SNTG1: variants seen among roughly 807,000 people sequenced by gnomAD.
SNTG1 encodes gamma-1-syntrophin.
In SNTG1, 39 loss-of-function variants were observed where a neutral mutation model predicts 74.7. The observed-to-expected ratio is 0.52, with a 90% CI of 0.40 to 0.68. SNTG1 has a LOEUF of 0.68. Among genes scored for constraint, SNTG1 ranks in the 30% least tolerant of loss-of-function variants. SNTG1 has a pLI of 0.00. For synonymous variants in SNTG1, 254 were observed against 217.1 expected, an observed-to-expected ratio of 1.17 and a Z score of -1.49; for missense variants, 685 against 609.5, an observed-to-expected ratio of 1.12 and a Z score of -1.30.
rs760982098 is a variant in SNTG1, at chr8:50,536,797, A to G, written c.669A>G (p.Thr223=). The part of the protein sequence containing the change: ...HSRFSQYVPG[T]DLSRQNAFQV... ...GCTTCTCTCAGTATGTGCCCGGCACAGATTTGAGTCGGTGAGTCCGTGTTT... is the reference window on the plus strand; with the variant it reads ...GCTTCTCTCAGTATGTGCCCGGCACGGATTTGAGTCGGTGAGTCCGTGTTT... The change falls in exon 11 of 19, where the codon ACA becomes ACG. Residue 223 remains threonine (T), a synonymous_variant. Coordinates refer to ENST00000642720, the MANE Select transcript of SNTG1 (RefSeq NM_018967.5). 6.2e-7 allele frequency: 1 copy of G among 1,613,948 alleles called. No homozygotes were observed. The highest frequency in any genetic ancestry group is 8.5e-7 in the Non-Finnish European group (1 of 1,179,818).
chr8:50,462,680 G>A (rs1292233915), intron 8 of SNTG1, among the ~76,000 whole-genome samples: 1 of 151,258 alleles, frequency 6.6e-6, no homozygotes, highest in Non-Finnish European at 1.5e-5. Flanking sequence ...TCTTCACCAG[G>A]AAGAGTTTCC....
At chr8:50,233,859 A>G (rs946560776) in intron 2 of SNTG1, among the ~76,000 whole-genome samples, 3 of 151,910 alleles carry the variant, frequency 2.0e-5, no homozygotes, top group Admixed American at 6.6e-5. Context: ...AATGTCCTAC[A>G]ATGTTAGGAG....
chr8:50,240,173 C>T (rs1191951251), intron 2 of SNTG1, among the ~76,000 whole-genome samples: 2 of 152,122 alleles, frequency 1.3e-5, no homozygotes, highest in Non-Finnish European at 2.9e-5. Context: ...CTAGATATTT[C>T]CATTTGAAGA....
At chr8:50,752,806 A>T (rs2095571008) in intron 18 of SNTG1, among the ~76,000 whole-genome samples, 2 of 151,982 alleles carry the variant, frequency 1.3e-5, no homozygotes, top group Admixed American at 1.3e-4. Context: ...GTATCCTGTA[A>T]CACTGCTCTA....
chr8:50,717,828 T>C (rs2095478517), intron 17 of SNTG1, among the ~76,000 whole-genome samples: 1 of 152,204 alleles, frequency 6.6e-6, no homozygotes, highest in East Asian at 1.9e-4. Flanking sequence ...GATGAACATT[T>C]CTGCCCCTCA....
chr8:49,957,071 G>A (rs1401458672), intron 1 of SNTG1, among the ~76,000 whole-genome samples: 1 of 152,146 alleles, frequency 6.6e-6, no homozygotes, highest in Non-Finnish European at 1.5e-5. Context: ...AGTTAATTCA[G>A]TCTTTTAAGA....
intron 1 of SNTG1, among the ~76,000 whole-genome samples, chr8:50,099,334 G>A (rs1460608536): frequency 6.6e-6 from 1 of 152,036 alleles, no homozygotes. Context: ...GCCACACATG[G>A]ATACACAAAC....
At chr8:50,225,967 A>G (rs937198573) in intron 2 of SNTG1, among the ~76,000 whole-genome samples, 2 of 152,210 alleles carry the variant, frequency 1.3e-5, no homozygotes, top group Admixed American at 6.5e-5. Flanking sequence ...ATTGTTAATT[A>G]TGTACACATA....
In SNTG1 at chr8:50,587,655, T is replaced by C. The variant is rs767414433; in HGVS notation, c.811-3224T>C. ...GACTGGCTAACATGGCGAAACCCTG[T>C]CTCTACTAAAAATACAAAAATTAGC... On this transcript the variant is annotated intron_variant, in intron 12 of 18. Transcript: ENST00000642720. Among the ~76,000 whole-genome samples the C allele has an allele frequency of 1.8e-3, 277 of 151,572 alleles. 3 individuals are homozygous for C. The highest frequency in any genetic ancestry group is 3.4e-3 in the Middle Eastern group (1 of 290).
rs151278402 is a variant in SNTG1 at position 50,700,521 on chromosome 8, C to T, written c.1039-4079C>T. Among the ~76,000 whole-genome samples the T allele has an allele frequency of 5.3e-5, 8 of 152,236 alleles. No homozygotes were observed. In the East Asian group the frequency reaches 1.5e-3, roughly 29 times the overall value. ...CATCTAAAGCTTAGAGTCTATGCTG[C>T]CCCCTTCTCACTTAACTCTCCAATA... On this transcript the variant is annotated intron_variant, in intron 15 of 18. Coordinates refer to ENST00000642720, the MANE Select transcript of SNTG1 (RefSeq NM_018967.5).
intron 2 of SNTG1, among the ~76,000 whole-genome samples, chr8:50,352,668 G>A (rs1011358650): frequency 2.6e-5 from 4 of 152,136 alleles, no homozygotes; most frequent in Non-Finnish European, 5.9e-5. Flanking sequence ...CAGGATTACA[G>A]GTGTATACCA....
At chr8:50,181,926 C>A (rs893898136) in intron 2 of SNTG1, among the ~76,000 whole-genome samples, 1 of 151,990 alleles carries the variant, frequency 6.6e-6, no homozygotes, top group African/African-American at 2.4e-5. Context: ...GCCAATTGAC[C>A]AAGCAAAGAA....
intron 1 of SNTG1, among the ~76,000 whole-genome samples, chr8:50,009,902 C>T (rs111890806): frequency 0.059 from 9,022 of 152,066 alleles, 874 homozygotes; most frequent in African/African-American, 0.2. Flanking sequence ...AGGAGGCTGA[C>T]GCAGAATTCC....
intron 1 of SNTG1, among the ~76,000 whole-genome samples, chr8:50,089,257 A>C (rs2079618946): frequency 6.6e-6 from 1 of 152,222 alleles, no homozygotes; most frequent in Non-Finnish European, 1.5e-5. Flanking sequence ...GAATTAATTC[A>C]AGATGGATTA....
chr8:50,003,126 A>G (rs1206687974), intron 1 of SNTG1, among the ~76,000 whole-genome samples: 1 of 152,186 alleles, frequency 6.6e-6, no homozygotes, highest in East Asian at 1.9e-4. Context: ...ACTGGGCACA[A>G]GCATTTCTTT....
intron 16 of SNTG1, 64 bp from the exon 17 acceptor site, chr8:50,708,822 T>C: frequency 9.6e-7 from 1 of 1,038,738 alleles, no homozygotes; most frequent in Non-Finnish European, 1.5e-6. Flanking sequence ...AGCTGTAACA[T>C]AGTTCATAAT....
At chr8:50,367,767 A>G (rs956497000) in intron 2 of SNTG1, among the ~76,000 whole-genome samples, 6 of 151,832 alleles carry the variant, frequency 4.0e-5, no homozygotes, top group African/African-American at 1.4e-4. Context: ...TTGGTCAACC[A>G]TTGTATTGTA....
intron 2 of SNTG1, among the ~76,000 whole-genome samples, chr8:50,296,740 T>C (rs561111689): frequency 1.3e-5 from 2 of 151,738 alleles, no homozygotes; most frequent in Non-Finnish European, 2.9e-5. Flanking sequence ...GTAACAAACC[T>C]GAATGTTCTG....
intron 10 of SNTG1, among the ~76,000 whole-genome samples, chr8:50,534,193 G>T (rs538627329): frequency 6.6e-6 from 1 of 152,284 alleles, no homozygotes; most frequent in African/African-American, 2.4e-5. Context: ...CTATCAAAAA[G>T]GTGTTAGTCT....
Sources: gnomAD v4.1 joint callset for allele counts (sites outside exome capture counted in the v4.1 genomes callset) on GRCh38, gnomAD v4.1.1 for gene constraint, MANE v1.5 for transcripts, NCBI Gene and HGNC (gene_info 2026-07-23, HGNC 2026-07-21) for gene names.